CNTNAP2: variants seen among roughly 807,000 people sequenced by gnomAD.
CNTNAP2 encodes contactin-associated protein-like 2.
CNTNAP2 carries 98 observed loss-of-function variants against 155.2 expected under a neutral mutation model. The observed-to-expected ratio is 0.63, with a 90% CI of 0.54 to 0.75. The LOEUF is 0.75. Ranked by LOEUF, CNTNAP2 falls within the 30% of genes least tolerant of loss-of-function variation. The pLI is 0.00. For synonymous variants in CNTNAP2, 651 were observed against 631.2 expected, an observed-to-expected ratio of 1.03 and a Z score of -0.47; for missense variants, 1,727 against 1,688.1, an observed-to-expected ratio of 1.02 and a Z score of -0.40.
At chr7:146,997,029 C>T (rs917977349) in intron 3 of CNTNAP2, among the ~76,000 whole-genome samples, 2 of 152,028 alleles carry the variant, frequency 1.3e-5, no homozygotes, top group African/African-American at 4.8e-5. Context: ...GATTGTGAGG[C>T]CTCCCCAGCC....
At chr7:146,349,939 T>G (rs1194118906) in intron 1 of CNTNAP2, among the ~76,000 whole-genome samples, 1 of 152,074 alleles carries the variant, frequency 6.6e-6, no homozygotes, top group African/African-American at 2.4e-5. Flanking sequence ...ATCTGACAAT[T>G]ATGTGTCTTG....
At chr7:148,247,504 G>A (rs1325716469) in intron 20 of CNTNAP2, among the ~76,000 whole-genome samples, 7 of 151,738 alleles carry the variant, frequency 4.6e-5, no homozygotes, top group Non-Finnish European at 8.8e-5. Flanking sequence ...AATTTCTCCT[G>A]AGACCACTTT....
At chr7:147,369,409 G>A (rs2116911701) in intron 9 of CNTNAP2, among the ~76,000 whole-genome samples, 1 of 152,284 alleles carries the variant, frequency 6.6e-6, no homozygotes, top group South Asian at 2.1e-4. Flanking sequence ...TAGAAACTAA[G>A]GTTTGTTCAT....
At chr7:146,137,440 A>T (rs553141769) in intron 1 of CNTNAP2, among the ~76,000 whole-genome samples, 3 of 152,256 alleles carry the variant, frequency 2.0e-5, no homozygotes, top group African/African-American at 7.2e-5. Flanking sequence ...TTCTTTTGAA[A>T]TGTCTGTGGC....
At chr7:146,168,660 A>C (rs879750084) in intron 1 of CNTNAP2, among the ~76,000 whole-genome samples, 1 of 152,144 alleles carries the variant, frequency 6.6e-6, no homozygotes, top group Admixed American at 6.6e-5. Flanking sequence ...TTACATCTGG[A>C]TTTCAAACAC....
At chr7:146,514,240 C>T (rs1296839849) in intron 1 of CNTNAP2, among the ~76,000 whole-genome samples, 1 of 152,014 alleles carries the variant, frequency 6.6e-6, no homozygotes, top group Non-Finnish European at 1.5e-5. Flanking sequence ...CTTAGTGATA[C>T]TTGACCTTTC....
intron 12 of CNTNAP2, among the ~76,000 whole-genome samples, chr7:147,588,212 A>G (rs556505487): frequency 0.011 from 852 of 76,540 alleles, 13 homozygotes; most frequent in Admixed American, 0.047. Context: ...GAGAAAAAAC[A>G]AAACAAAACG....
At chr7:147,463,201 A>C (rs1317797718) in intron 10 of CNTNAP2, among the ~76,000 whole-genome samples, 1 of 152,200 alleles carries the variant, frequency 6.6e-6, no homozygotes, top group Non-Finnish European at 1.5e-5. Context: ...TTAATCTTAG[A>C]ATTGTATGGC....
intron 1 of CNTNAP2, among the ~76,000 whole-genome samples, chr7:146,356,474 C>T (rs2129099880): frequency 6.6e-6 from 1 of 152,224 alleles, no homozygotes; most frequent in African/African-American, 2.4e-5. Context: ...TTCCTGTTCT[C>T]AATTCCAGCT....
intron 3 of CNTNAP2, among the ~76,000 whole-genome samples, chr7:146,891,556 G>C (rs1237321610): frequency 6.6e-6 from 1 of 152,156 alleles, no homozygotes; most frequent in African/African-American, 2.4e-5. Flanking sequence ...TGAAATATCA[G>C]CTCTGTGTAT....
chr7:148,106,493 G>GATAGATAGATAT (rs1490418389), intron 15 of CNTNAP2, among the ~76,000 whole-genome samples: 7 of 124,922 alleles, frequency 5.6e-5, no homozygotes, highest in African/African-American at 2.1e-4. Context: ...CACACTTTGA[G>GATAGATAGATAT]ATATATATAT....
intron 13 of CNTNAP2, among the ~76,000 whole-genome samples, chr7:147,701,793 T>C (rs1458267092): frequency 1.3e-5 from 2 of 152,172 alleles, no homozygotes; most frequent in Non-Finnish European, 2.9e-5. Context: ...ATTCTAGTTA[T>C]AAGGCCGAAC....
At chr7:148,207,487 G>A (rs1236085726) in intron 18 of CNTNAP2, among the ~76,000 whole-genome samples, 6 of 152,224 alleles carry the variant, frequency 3.9e-5, no homozygotes, top group Non-Finnish European at 7.3e-5. Flanking sequence ...TCTCAGTCAA[G>A]CATTTTAGAG....
chr7:146,289,275 G>T (rs1030975503), intron 1 of CNTNAP2, among the ~76,000 whole-genome samples: 2 of 152,128 alleles, frequency 1.3e-5, no homozygotes, highest in Non-Finnish European at 2.9e-5. Context: ...CATATTTTAT[G>T]TTTATAAAGC....
intron 19 of CNTNAP2, among the ~76,000 whole-genome samples, chr7:148,220,208 T>C (rs1795720137): frequency 6.6e-6 from 1 of 152,204 alleles, no homozygotes; most frequent in African/African-American, 2.4e-5. Context: ...GTTCACACCA[T>C]TCTCCTGCCT....
chr7:146,639,463 A>G (rs1218485710), intron 1 of CNTNAP2, among the ~76,000 whole-genome samples: 2 of 125,156 alleles, frequency 1.6e-5, no homozygotes, highest in African/African-American at 7.3e-5. Context: ...AGATTCTCTG[A>G]TTATTCCCAT....
intron 13 of CNTNAP2, among the ~76,000 whole-genome samples, chr7:147,670,667 T>C (rs1393633124): frequency 6.6e-6 from 1 of 152,166 alleles, no homozygotes; most frequent in African/African-American, 2.4e-5. Flanking sequence ...GAAGATTACC[T>C]TCCCATTCCA....
At chr7:147,144,017 T>C (rs1008630125) in intron 8 of CNTNAP2, among the ~76,000 whole-genome samples, 1 of 152,170 alleles carries the variant, frequency 6.6e-6, no homozygotes, top group African/African-American at 2.4e-5. Context: ...TTTGACACGA[T>C]TAACTCCAGG....
chr7:147,475,457 A>G (rs1465375296), intron 10 of CNTNAP2, among the ~76,000 whole-genome samples: 2 of 152,032 alleles, frequency 1.3e-5, no homozygotes, highest in African/African-American at 4.8e-5. Context: ...TTTAAAAGTT[A>G]TGTGTTTTTT....
Sources: allele counts gnomAD v4.1 joint callset (sites outside exome capture counted in the v4.1 genomes callset), GRCh38; gene constraint gnomAD v4.1.1; transcripts MANE v1.5; gene names NCBI Gene and HGNC (gene_info 2026-07-23, HGNC 2026-07-21).